The following SLC9A2 variants were observed in gnomAD, a reference collection of about 807,000 sequenced individuals.
SLC9A2 encodes the protein sodium/hydrogen exchanger 2.
SLC9A2 carries 42 observed loss-of-function variants against 71.7 expected under a neutral mutation model. The ratio of observed to expected loss-of-function variants is 0.59; its 90% CI spans 0.46 to 0.76. The LOEUF is 0.76. SLC9A2 is among the 30% of genes least tolerant of loss of function. The pLI is 0.00. For synonymous variants in SLC9A2, 396 were observed against 392.5 expected (o/e 1.01, Z -0.10); for missense variants, 829 against 1,017.4 (o/e 0.81, Z 2.52).
chr2:102,679,940 G>A (rs1438828426), intron 3 of SLC9A2, among the ~76,000 whole-genome samples: 1 of 152,170 alleles, frequency 6.6e-6, no homozygotes, highest in Non-Finnish European at 1.5e-5. Context: ...TATTGCTGAT[G>A]TTTCCACTCT....
chr2:102,683,986 A>T, intron 4 of SLC9A2, 148 bp from the exon 5 acceptor site: 1 of 634,000 alleles, frequency 1.6e-6, no homozygotes, highest in Non-Finnish European at 2.8e-6. Context: ...ACCTGGTATT[A>T]CTAGCAAGAC....
chr2:102,652,858 AG>A (rs1676860492), intron 1 of SLC9A2, among the ~76,000 whole-genome samples: 1 of 152,214 alleles, frequency 6.6e-6, no homozygotes, highest in African/African-American at 2.4e-5. Flanking sequence ...TGATAATATC[AG>A]GTAGGATGAT....
At chr2:102,650,978 G>T (rs981986085) in intron 1 of SLC9A2, among the ~76,000 whole-genome samples, 3 of 152,140 alleles carry the variant, frequency 2.0e-5, no homozygotes, top group Non-Finnish European at 4.4e-5. Flanking sequence ...AAAATTTTCT[G>T]CCTTCCTATT....
At position 102,619,894 on chromosome 2, in the gene SLC9A2, C is replaced by G. The variant is rs1448644077; in HGVS notation, c.46C>G (p.Pro16Ala). Reference protein sequence around the residue: ...NWRSLRAPLPPMLLLLLLQVA... With the variant: ...NWRSLRAPLPAMLLLLLLQVA... ...GAGGAGCCTGCGGGCGCCACTGCCTCCGATGCTGTTGCTGCTGCTCCTGCA... is the reference window on the plus strand; with the variant it reads ...GAGGAGCCTGCGGGCGCCACTGCCTGCGATGCTGTTGCTGCTGCTCCTGCA... The change falls in exon 1 of 12, where the codon CCG (proline) becomes GCG (alanine). Residue 16 changes from proline (P) to alanine (A), a missense_variant. Physicochemically the swap from Pro to Ala is conservative, Grantham distance 27. Coordinates refer to ENST00000233969, the MANE Select transcript of SLC9A2 (RefSeq NM_003048.6). The surrounding 1 kb of genome is among the most constrained non-coding windows in gnomAD (Gnocchi z 4.3). 6.3e-7 allele frequency: 1 copy of G among 1,584,914 alleles called. No homozygotes were observed. The highest frequency in any genetic ancestry group is 8.6e-7 in the Non-Finnish European group (1 of 1,164,656).
At position 102,701,121 on chromosome 2, in the gene SLC9A2, C is replaced by G. The variant is rs747639509; in HGVS notation, c.1638C>G (p.Asn546Lys). 6.2e-7 allele frequency: 1 copy of G among 1,609,824 alleles called. No individual in the cohort carries two copies. Among genetic ancestry groups the G allele is most frequent in the Non-Finnish European group, 8.5e-7 (1 of 1,178,578 alleles). ...TGCGGAAGCTTTTGATTCGGGAAAA[C>G]CAACCAAAGTCAAGTATTGTATCTT... ...KYLRKLLIRE[N>K]QPKSSIVSLY... The change falls in exon 8 of 12, where the codon AAC becomes AAG. Residue 546 changes from asparagine (N) to lysine (K), a missense_variant. Transcript: ENST00000233969.
chr2:102,706,123 T>C lies in SLC9A2; in HGVS notation c.2068+187T>C, dbSNP rs1343886617. On this transcript the variant is annotated intron_variant, in intron 11 of 11. Coordinates refer to ENST00000233969, the MANE Select transcript of SLC9A2 (RefSeq NM_003048.6). ...TCACGAGGTCAGGAGATCGAGACCA[T>C]CCTGGCTAACAAGGTGAAACCCCGT... is the stretch of plus-strand genomic sequence containing the variant. Among the ~76,000 whole-genome samples the C allele has an allele frequency of 1.7e-4, 2 of 11,562 alleles. 1 individual carries two copies. Among genetic ancestry groups the C allele is most frequent in the African/African-American group, 5.9e-4 (2 of 3,368 alleles). 7.6% of individuals were successfully genotyped at this position (11,562 alleles called of 152,430 possible).
intron 10 of SLC9A2, 89 bp downstream of exon 10, chr2:102,704,764 A>G: frequency 7.1e-7 from 1 of 1,405,024 alleles, no homozygotes; most frequent in Non-Finnish European, 9.9e-7. Flanking sequence ...AGCTCTGCAG[A>G]TCAAGTGGCT....
chr2:102,657,189 G>C (rs190177574), intron 1 of SLC9A2, among the ~76,000 whole-genome samples: 2,501 of 150,150 alleles, frequency 0.017, 42 homozygotes, highest in Non-Finnish European at 0.024. Context: ...CCAGGTGACA[G>C]AGCAAGACTC....
intron 1 of SLC9A2, among the ~76,000 whole-genome samples, chr2:102,652,535 T>A (rs552111620): frequency 3.3e-5 from 5 of 152,114 alleles, no homozygotes; most frequent in Non-Finnish European, 5.9e-5. Context: ...TCTTCTTGAG[T>A]CTCTGCTTCT....
intron 1 of SLC9A2, among the ~76,000 whole-genome samples, chr2:102,657,142 G>T (rs1261422129): frequency 6.6e-6 from 1 of 151,570 alleles, no homozygotes; most frequent in Non-Finnish European, 1.5e-5. Flanking sequence ...GGAGGCAGAG[G>T]TTGCAGTGAG....
rs1240994578 is a variant in SLC9A2, at chr2:102,710,421, T to C, written c.*1932T>C. On this transcript the variant is annotated 3_prime_UTR_variant, in exon 12 of 12. Transcript: ENST00000233969. ...CTTAAAGAATAAATTTCCTAATTTT[T>C]CCCAGTTTCCTATGTTTATAACTAT... 6.6e-6 allele frequency: 1 copy of C among 150,632 alleles called. No homozygotes were observed. Among genetic ancestry groups the C allele is most frequent in the Non-Finnish European group, 1.5e-5 (1 of 67,326 alleles). 9.3% of individuals were successfully genotyped at this position (150,632 alleles called of 1,614,324 possible).
chr2:102,620,095 G>C lies in SLC9A2; in HGVS notation c.247G>C (p.Glu83Gln). 6.2e-7 allele frequency: 1 copy of C among 1,613,260 alleles called. No individual in the cohort carries two copies. The highest frequency in any genetic ancestry group is 8.5e-7 in the Non-Finnish European group (1 of 1,179,522). The change falls in exon 1 of 12, where the codon GAG becomes CAG. Residue 83 changes from glutamate to glutamine, a missense_variant. Coordinates refer to ENST00000233969, the MANE Select transcript of SLC9A2 (RefSeq NM_003048.6). ...TTACCCCCACGTGCAGATCCCCTTC[G>C]AGATCACCCTTTGGATCCTGCTGGC... is the stretch of plus-strand genomic sequence containing the variant. ...LDYPHVQIPF[E>Q]ITLWILLASL...
chr2:102,649,767 A>T (rs1676796628), intron 1 of SLC9A2, among the ~76,000 whole-genome samples: 1 of 152,194 alleles, frequency 6.6e-6, no homozygotes, highest in South Asian at 2.1e-4. Flanking sequence ...AAACCCCGAG[A>T]TACCATCTCA....
chr2:102,686,200 C>T (rs1677542654), intron 5 of SLC9A2, among the ~76,000 whole-genome samples: 1 of 152,162 alleles, frequency 6.6e-6, no homozygotes, highest in Non-Finnish European at 1.5e-5. Context: ...CTCTAGGAAT[C>T]ATGGTTTATT....
At position 102,684,274 on chromosome 2, in the gene SLC9A2, C is replaced by A; in HGVS notation, c.1363C>A (p.Pro455Thr). ...LVFLLPAAVF[P>T]RKKLFITAAI... ...GTTTCTCCTTCCTGCTGCTGTGTTT[C>A]CTCGGAAAAAATTGTTTATTACGGC... The change falls in exon 5 of 12, where the codon CCT becomes ACT. Residue 455 changes from proline (P) to threonine (T), a missense_variant. Transcript: ENST00000233969. The A allele has an allele frequency of 6.2e-7, 1 of 1,614,094 alleles. No individual in the cohort carries two copies. The highest frequency in any genetic ancestry group is 8.5e-7 in the Non-Finnish European group (1 of 1,180,018).
Position 102,670,849 on chromosome 2 carries a change from C to CTTTTT in SLC9A2, c.1004+5516_1004+5520dup, listed in dbSNP as rs10687841. 1.1e-3 allele frequency among the ~76,000 whole-genome samples: 85 copies of CTTTTT among 75,868 alleles called. 1 individual carries two copies. The highest frequency in any genetic ancestry group is 1.4e-3 in the Non-Finnish European group (60 of 42,068). 49.8% of individuals were successfully genotyped at this position (75,868 alleles called of 152,430 possible). On this transcript the variant is annotated intron_variant, in intron 3 of 11. Transcript: ENST00000233969. ...TTTGAGAAAAAAATAGGAAGGCATG[C>CTTTTT]TTTTTTTTTTTTTTTTTTTTTGCCT...
chr2:102,638,140 C>T lies in SLC9A2; in HGVS notation c.289+18003C>T, dbSNP rs193119186. Among the ~76,000 whole-genome samples, 112 of 152,294 alleles carry T rather than the reference C, an allele frequency of 7.4e-4. 1 individual carries two copies. The highest frequency in any genetic ancestry group is 2.0e-3 in the Admixed American group (30 of 15,300). On this transcript the variant is annotated intron_variant, in intron 1 of 11. Transcript: ENST00000233969. The stretch of plus-strand genomic sequence containing the variant: ...CACTAGATAGGCCCAACAAAATAGG[C>T]GTGAAGGCCATGGTGGCTCGTGGCC...
chr2:102,646,831 A>G (rs1179729030), intron 1 of SLC9A2, among the ~76,000 whole-genome samples: 3 of 149,772 alleles, frequency 2.0e-5, no homozygotes, highest in Non-Finnish European at 2.9e-5. Flanking sequence ...GCAAGTTCTT[A>G]GAGACCTACA....
At chr2:102,701,338 C>A in intron 8 of SLC9A2, 107 bp downstream of exon 8, 1 of 862,860 alleles carries the variant, frequency 1.2e-6, no homozygotes, top group Non-Finnish European at 1.7e-6. Flanking sequence ...TTGATCCGCC[C>A]CCCTCGGCCT....
Sources: allele counts gnomAD v4.1 joint callset (sites outside exome capture counted in the v4.1 genomes callset), GRCh38; gene constraint gnomAD v4.1.1; non-coding constraint Gnocchi (gnomAD v3.1); transcripts MANE v1.5; gene names NCBI Gene and HGNC (gene_info 2026-07-23, HGNC 2026-07-21).